Variants in AARS1 observed in about 807,000 individuals in gnomAD.
The protein encoded by AARS1 is alanine--tRNA ligase, cytoplasmic.
A neutral mutation model predicts 108.9 loss-of-function variants in AARS1; 72 were observed. The observed-to-expected ratio is 0.66, with a 90% CI of 0.55 to 0.80. AARS1 has a LOEUF of 0.80. Ranked by LOEUF, AARS1 falls within the 30% of genes least tolerant of loss-of-function variation. AARS1 has a pLI of 0.00. For missense variants in AARS1, 1,193 were observed against 1,233.2 expected, an observed-to-expected ratio of 0.97 and a Z score of 0.49; for synonymous variants, 489 against 465.7, an observed-to-expected ratio of 1.05 and a Z score of -0.64.
rs558808784 is a variant in AARS1 at position 70,255,583 on chromosome 16, G to A, written c.2286+145C>T. 13 of 732,826 alleles carry A rather than the reference G, an allele frequency of 1.8e-5. No individual in the cohort carries two copies. In the South Asian group the frequency reaches 1.8e-4, roughly 10 times the overall value. The allele number at this position is 732,826 out of a possible 1,614,324, so 45.4% of individuals were successfully genotyped here. On this transcript the variant is annotated intron_variant, in intron 16 of 20. Transcript: ENST00000261772. ...AGGTTTCTTCTGCCACTCAGGGGTAGGACACTGGGGCAGGGGGAGTGGCCC... is the reference window on the plus strand; with the variant it reads ...AGGTTTCTTCTGCCACTCAGGGGTAAGACACTGGGGCAGGGGGAGTGGCCC...
At chr16:70,254,172 G>A (rs1347687233) in intron 17 of AARS1, 134 bp from the exon 18 acceptor site, 2 of 1,190,580 alleles carry the variant, frequency 1.7e-6, no homozygotes, top group Admixed American at 3.5e-5. Flanking sequence ...TTTGAGACCA[G>A]TCCCTTTAGG....
intron 9 of AARS1, among the ~76,000 whole-genome samples, chr16:70,267,221 A>T (rs141215987): frequency 7.2e-5 from 11 of 152,332 alleles, no homozygotes; most frequent in Admixed American, 5.9e-4. Context: ...TTCAATAAAG[A>T]ATCTTTGGAA....
chr16:70,287,070 T>A (rs1169089799), intron 1 of AARS1, among the ~76,000 whole-genome samples: 1 of 151,090 alleles, frequency 6.6e-6, no homozygotes, highest in Non-Finnish European at 1.5e-5. Flanking sequence ...GCTAACACGG[T>A]GAAACCCCGT....
intron 1 of AARS1, among the ~76,000 whole-genome samples, chr16:70,283,846 T>A (rs1162430354): frequency 6.6e-6 from 1 of 152,124 alleles, no homozygotes. Flanking sequence ...TAGCCCCACT[T>A]TGGAGGCACA....
intron 2 of AARS1, 75 bp from the exon 3 acceptor site, chr16:70,277,229 G>C: frequency 7.1e-7 from 1 of 1,402,174 alleles, no homozygotes; most frequent in Non-Finnish European, 1.0e-6. Context: ...AGCAGGAAGA[G>C]ACGACCACAC....
chr16:70,262,549 G>C (rs773534966), intron 11 of AARS1, 25 bp from the exon 12 acceptor site: 1 of 1,593,090 alleles, frequency 6.3e-7, no homozygotes, highest in East Asian at 2.2e-5. Flanking sequence ...TGCATAGAAA[G>C]GGGACAGTGG....
At chr16:70,265,790 GCC>G in intron 9 of AARS1, 128 bp from the exon 10 acceptor site, 1 of 927,172 alleles carries the variant, frequency 1.1e-6, no homozygotes, top group Admixed American at 2.4e-5. Flanking sequence ...GGCCCTGTGT[GCC>G]CATCAGAAAA....
intron 1 of AARS1, among the ~76,000 whole-genome samples, chr16:70,284,684 T>C (rs1960798294): frequency 6.6e-6 from 1 of 152,154 alleles, no homozygotes; most frequent in African/African-American, 2.4e-5. Flanking sequence ...CAGGCTTTGG[T>C]GAGAGTGCTG....
intron 1 of AARS1, among the ~76,000 whole-genome samples, chr16:70,284,637 T>C (rs1414216930): frequency 6.6e-6 from 1 of 152,094 alleles, no homozygotes; most frequent in African/African-American, 2.4e-5. Flanking sequence ...TTCACAGATA[T>C]TACGATTTCC....
intron 15 of AARS1, among the ~76,000 whole-genome samples, chr16:70,257,436 C>T (rs1447701630): frequency 1.3e-5 from 2 of 152,012 alleles, no homozygotes; most frequent in Non-Finnish European, 2.9e-5. Context: ...CAAAAAAAAC[C>T]ACAATTCTTT....
Position 70,267,726 on chromosome 16 carries a change from A to C in AARS1, c.1155T>G (p.Thr385=). Residue 385 remains threonine, a synonymous_variant, in exon 9 of 21, where the codon ACT becomes ACG. Coordinates refer to ENST00000261772, the MANE Select transcript of AARS1 (RefSeq NM_001605.3). ...CCAGGATGCGACGCCCTCTGCTGAG[A>C]GTCTTGAGAAACTGCACCTCTTCTT... ...INEEEVQFLK[T]LSRGRRILDR... is the part of the protein sequence containing the mutation. 1.9e-6 allele frequency: 3 copies of C among 1,614,116 alleles called. No individual in the cohort carries two copies. Among genetic ancestry groups the C allele is most frequent in the Non-Finnish European group, 2.5e-6 (3 of 1,180,030 alleles).
intron 4 of AARS1, among the ~76,000 whole-genome samples, chr16:70,272,522 A>C (rs1447445209): frequency 7.4e-5 from 11 of 149,356 alleles, no homozygotes; most frequent in African/African-American, 2.2e-4. Context: ...AAAAAAAAAA[A>C]AAAAAAAAAA....
At chr16:70,255,095 G>C (rs1296877093) in intron 16 of AARS1, among the ~76,000 whole-genome samples, 1 of 152,008 alleles carries the variant, frequency 6.6e-6, no homozygotes, top group Admixed American at 6.6e-5. Flanking sequence ...CACGCCCCTA[G>C]GAGTACATGG....
At position 70,271,951 on chromosome 16, in the gene AARS1, G is replaced by A. The variant is rs1567608510; in HGVS notation, c.501C>T (p.Leu167=). The change falls in exon 5 of 21, where the codon CTC becomes CTT. Residue 167 remains leucine (L), a synonymous_variant. Transcript: ENST00000261772. ...AGAAGTTATCCTTCATGTTGCCTGG[G>A]AGGATTTTGGTGTCATCCAGCCTGA... is the stretch of plus-strand genomic sequence containing the variant. ...QNLGLDDTKI[L]PGNMKDNFWE... 15 of 1,614,076 alleles carry A rather than the reference G, an allele frequency of 9.3e-6. No homozygotes were observed. The highest frequency in any genetic ancestry group is 1.2e-5 in the Non-Finnish European group (14 of 1,180,018).
At chr16:70,253,418 G>A in intron 19 of AARS1, 37 bp from the exon 20 acceptor site, 3 of 1,514,268 alleles carry the variant, frequency 2.0e-6, no homozygotes, top group Non-Finnish European at 2.8e-6. Flanking sequence ...CGGTGCTGGA[G>A]CAGGGACCCT....
chr16:70,254,070 G>A (rs757800600), intron 17 of AARS1, 32 bp from the exon 18 acceptor site: 1 of 1,612,548 alleles, frequency 6.2e-7, no homozygotes, highest in South Asian at 1.1e-5. Context: ...CTCAATCTGG[G>A]CCACAACTTG....
At chr16:70,277,972 C>T (rs776560961) in intron 2 of AARS1, among the ~76,000 whole-genome samples, 117 of 151,978 alleles carry the variant, frequency 7.7e-4, no homozygotes, top group Non-Finnish European at 1.2e-3. Flanking sequence ...AGGCTGGTCT[C>T]GAACACCTAA....
chr16:70,276,611 A>G lies in AARS1; in HGVS notation c.354T>C (p.Ala118=), dbSNP rs762054951. The G allele has an allele frequency of 2.5e-6, 4 of 1,614,130 alleles. No homozygotes were observed. The highest frequency in any genetic ancestry group is 2.5e-6 in the Non-Finnish European group (3 of 1,180,034). Residue 118 remains alanine, a synonymous_variant, in exon 4 of 21, where the codon GCT becomes GCC. Coordinates refer to ENST00000261772, the MANE Select transcript of AARS1 (RefSeq NM_001605.3). ...DYFKELACKM[A]LELLTQEFGI... is the part of the protein sequence containing the mutation. ...CAAACTCTTGGGTGAGGAGTTCCAG[A>G]GCCATCTTACATGCCAATTCCTACA...
At chr16:70,266,840 T>G (rs1960275320) in intron 9 of AARS1, among the ~76,000 whole-genome samples, 1 of 151,798 alleles carries the variant, frequency 6.6e-6, no homozygotes, top group Non-Finnish European at 1.5e-5. Flanking sequence ...CTATTTCTTT[T>G]TCTTTTTCTT....
Sources: gnomAD v4.1 joint callset for allele counts (sites outside exome capture counted in the v4.1 genomes callset) on GRCh38, gnomAD v4.1.1 for gene constraint, MANE v1.5 for transcripts, NCBI Gene and HGNC (gene_info 2026-07-23, HGNC 2026-07-21) for gene names.